SAMMSON: variants seen among roughly 807,000 people sequenced by gnomAD.
The protein encoded by SAMMSON is survival associated mitochondrial melanoma specific oncogenic non-coding RNA, also known as long intergenic non-protein coding RNA 1212.
chr3:70,109,560 T>A (rs1427837468), intron 4 of SAMMSON, among the ~76,000 whole-genome samples: 1 of 152,216 alleles, frequency 6.6e-6, no homozygotes, highest in African/African-American at 2.4e-5. Flanking sequence ...TCCTATTTTC[T>A]TTCCCTGAAA....
chr3:70,165,025 TATAAG>T lies in SAMMSON; in HGVS notation n.508-84078_508-84074del, dbSNP rs199565680. ...TGTACAGATAGATTTTTAAGACATA[TATAAG>T]ATATGTTTTCAAGAGATGTTCTACT... On this transcript the variant is annotated intron_variant and non_coding_transcript_variant, in intron 4 of 9. Coordinates refer to ENST00000642114, the Ensembl canonical transcript of SAMMSON. 7.8e-4 allele frequency among the ~76,000 whole-genome samples: 119 copies of T among 152,178 alleles called. 1 individual carries two copies. In the East Asian group the frequency reaches 0.011, roughly 15 times the overall value.
At chr3:70,105,852 A>G (rs1028131361) in intron 4 of SAMMSON, among the ~76,000 whole-genome samples, 2 of 152,128 alleles carry the variant, frequency 1.3e-5, no homozygotes, top group African/African-American at 4.8e-5. Context: ...GAACACTCGA[A>G]TCAAACAATT....
Position 70,048,721 on chromosome 3 carries a change from G to C in SAMMSON, n.418-22755G>C, listed in dbSNP as rs192685623. Among the ~76,000 whole-genome samples the C allele has an allele frequency of 1.5e-4, 23 of 152,104 alleles. 1 individual carries two copies. The highest frequency in any genetic ancestry group is 1.0e-3 in the South Asian group (5 of 4,810). On this transcript the variant is annotated intron_variant and non_coding_transcript_variant, in intron 3 of 9. Coordinates refer to ENST00000642114, the Ensembl canonical transcript of SAMMSON. ...TTTACTAACTTCTTCTTATGTGTCA[G>C]ACACTATTCTAATCACTATGTCTGC...
At chr3:70,271,266 C>A (rs753292118) in intron 6 of SAMMSON, among the ~76,000 whole-genome samples, 6 of 151,944 alleles carry the variant, frequency 3.9e-5, no homozygotes, top group Non-Finnish European at 8.8e-5. Flanking sequence ...CAGGACTAGG[C>A]AGGTAAGTAA....
chr3:70,318,348 T>C (rs986774723), intron 7 of SAMMSON, among the ~76,000 whole-genome samples: 4 of 152,008 alleles, frequency 2.6e-5, no homozygotes, highest in African/African-American at 9.7e-5. Flanking sequence ...GAATAATTCC[T>C]ATAGATTTGT....
At chr3:70,367,864 T>C (rs1485136724) in intron 9 of SAMMSON, among the ~76,000 whole-genome samples, 2 of 151,656 alleles carry the variant, frequency 1.3e-5, no homozygotes, top group African/African-American at 4.8e-5. Flanking sequence ...AGTCCCCCTT[T>C]CTCCGTATCC....
At chr3:70,057,445 A>C (rs894808240) in intron 3 of SAMMSON, among the ~76,000 whole-genome samples, 2 of 152,024 alleles carry the variant, frequency 1.3e-5, no homozygotes, top group Non-Finnish European at 2.9e-5. Context: ...CTGCAAGCAT[A>C]ATTCAATGAA....
chr3:70,101,891 G>C (rs2067347993), intron 4 of SAMMSON, among the ~76,000 whole-genome samples: 1 of 152,158 alleles, frequency 6.6e-6, no homozygotes, highest in South Asian at 2.1e-4. Flanking sequence ...ACAAAATGTA[G>C]AAGGTTGAAC....
chr3:70,321,519 C>T (rs1702538729), intron 7 of SAMMSON, among the ~76,000 whole-genome samples: 1 of 151,910 alleles, frequency 6.6e-6, no homozygotes, highest in African/African-American at 2.4e-5. Context: ...CCAATTGCGA[C>T]CATTACAAAT....
chr3:70,286,943 TAAG>T (rs1702171688), intron 6 of SAMMSON, among the ~76,000 whole-genome samples: 1 of 151,524 alleles, frequency 6.6e-6, no homozygotes, highest in Admixed American at 6.6e-5. Context: ...CTTATCAGCT[TAAG>T]GAGATTTTGG....
chr3:70,250,316 T>A (rs1192310838), intron 6 of SAMMSON, among the ~76,000 whole-genome samples: 1 of 152,242 alleles, frequency 6.6e-6, no homozygotes, highest in South Asian at 2.1e-4. Flanking sequence ...CTTGTAATTT[T>A]ACTATTGCCA....
At chr3:70,056,843 T>C (rs1302090592) in intron 3 of SAMMSON, among the ~76,000 whole-genome samples, 1 of 152,008 alleles carries the variant, frequency 6.6e-6, no homozygotes, top group Non-Finnish European at 1.5e-5. Context: ...ATTTTTCCTA[T>C]GACAGGAGGC....
At chr3:70,413,695 T>C (rs1298351256) in intron 2 of SAMMSON, among the ~76,000 whole-genome samples, 2 of 152,128 alleles carry the variant, frequency 1.3e-5, no homozygotes, top group Non-Finnish European at 2.9e-5. Flanking sequence ...ATGCATATTC[T>C]ATATATTTTC....
intron 4 of SAMMSON, among the ~76,000 whole-genome samples, chr3:70,187,427 C>CT (rs928465556): frequency 0.092 from 6,729 of 73,126 alleles, 1,757 homozygotes; most frequent in African/African-American, 0.14. Flanking sequence ...GGGACCAACT[C>CT]TTTTTTTTTT....
At chr3:70,001,939 T>A (rs2066907418) in intron 1 of SAMMSON, among the ~76,000 whole-genome samples, 1 of 152,210 alleles carries the variant, frequency 6.6e-6, no homozygotes, top group Non-Finnish European at 1.5e-5. Context: ...ATTGCTCCAA[T>A]TCATTTTGTT....
intron 6 of SAMMSON, among the ~76,000 whole-genome samples, chr3:70,269,968 A>G (rs189245502): frequency 5.3e-5 from 8 of 152,338 alleles, no homozygotes; most frequent in African/African-American, 1.7e-4. Flanking sequence ...TGATCCTCAA[A>G]TAAAGAGAAG....
At chr3:70,150,898 G>A (rs2067568661) in intron 4 of SAMMSON, among the ~76,000 whole-genome samples, 1 of 151,950 alleles carries the variant, frequency 6.6e-6, no homozygotes. Flanking sequence ...ACACAGAATC[G>A]TGTGAATAAA....
chr3:70,366,492 G>T (rs9836721), intron 9 of SAMMSON, among the ~76,000 whole-genome samples: 42 of 100,730 alleles, frequency 4.2e-4, no homozygotes, highest in South Asian at 6.6e-4. Context: ...GTGTTTTTAT[G>T]TTTTTTTTTT....
intron 7 of SAMMSON, among the ~76,000 whole-genome samples, chr3:70,343,689 C>G (rs1702729006): frequency 6.6e-6 from 1 of 151,774 alleles, no homozygotes; most frequent in Admixed American, 6.6e-5. Flanking sequence ...TCCTTCTTTC[C>G]TTACTGTACT....
Sources: allele counts gnomAD v4.1 joint callset (sites outside exome capture counted in the v4.1 genomes callset), GRCh38; gene constraint gnomAD v4.1.1; transcripts MANE v1.5; gene names NCBI Gene and HGNC (gene_info 2026-07-23, HGNC 2026-07-21).